KLF13: variants seen among roughly 807,000 people sequenced by gnomAD.
KLF13 encodes Krueppel-like factor 13.
KLF13 carries 8 observed loss-of-function variants against 16.7 expected under a neutral mutation model. That is an observed-to-expected ratio of 0.48 (90% confidence interval 0.28 to 0.87). The LOEUF is 0.87. KLF13 is among the 40% of genes least tolerant of loss of function. KLF13 has a pLI of 0.10. For missense variants in KLF13, 447 were observed against 452.2 expected (o/e 0.99, Z 0.10); for synonymous variants, 245 against 208.4 (o/e 1.18, Z -1.51).
At chr15:31,337,570 A>G (rs1040146522) in intron 1 of KLF13, among the ~76,000 whole-genome samples, 9 of 152,184 alleles carry the variant, frequency 5.9e-5, no homozygotes, top group Non-Finnish European at 1.3e-4. Context: ...TGCACTTACT[A>G]TGCACACCTA....
At position 31,400,026 on chromosome 15, in the gene KLF13, G is replaced by A. The variant is rs899251486; in HGVS notation, n.530-3402G>A. The stretch of plus-strand genomic sequence containing the variant: ...GGGTGACTCAAACCCTCAGGCTGCC[G>A]TCAGCACTGCTTGGACCCACAGAGG... On this transcript the variant is annotated intron_variant and non_coding_transcript_variant, in intron 2 of 2. Transcript: ENST00000500533. 1.8e-4 allele frequency among the ~76,000 whole-genome samples: 28 copies of A among 152,260 alleles called. No individual in the cohort carries two copies. The Middle Eastern group carries it at 0.017, about 92-fold the overall frequency.
rs750783115 is a variant in KLF13 at position 31,335,459 on chromosome 15, GTGTGTGTGTGTGTGTGTA to G, written c.577+7673_577+7690del. On this transcript the variant is annotated intron_variant, in intron 1 of 1. Transcript: ENST00000307145. ...TATGTGTGTGTGTGTGTGTGTGTGT[GTGTGTGTGTGTGTGTGTA>G]TGGTGGCGGGGCAGGGGGCGGGGGG... Among the ~76,000 whole-genome samples the G allele has an allele frequency of 4.3e-3, 416 of 96,200 alleles. 8 individuals are homozygous for G. Among genetic ancestry groups the G allele is most frequent in the South Asian group, 0.014 (36 of 2,490 alleles). 63.1% of individuals were successfully genotyped at this position (96,200 alleles called of 152,430 possible).
In KLF13 at chr15:31,375,686, T is replaced by G. The variant is rs1217444196; in HGVS notation, c.*3387T>G. 6.6e-6 allele frequency: 1 copy of G among 151,990 alleles called. No homozygotes were observed. The highest frequency in any genetic ancestry group is 2.4e-5 in the African/African-American group (1 of 41,354). 9.4% of individuals were successfully genotyped at this position (151,990 alleles called of 1,614,324 possible). A position where few individuals can be genotyped will look rare whatever the true frequency, so the allele number is the denominator to read the frequency against. On this transcript the variant is annotated 3_prime_UTR_variant, in exon 2 of 2. Coordinates refer to ENST00000307145, the MANE Select transcript of KLF13 (RefSeq NM_015995.4). ...CCATATTAGGGGAACGGTTGTCAGC[T>G]CCCCAAATGCCTACTGGATCCTACA... is the stretch of plus-strand genomic sequence containing the variant.
Position 31,372,378 on chromosome 15 carries a change from G to A in KLF13, c.*79G>A, listed in dbSNP as rs563361099. 4.5e-6 allele frequency: 6 copies of A among 1,347,014 alleles called. No homozygotes were observed. Among genetic ancestry groups the A allele is most frequent in the Non-Finnish European group, 5.8e-6 (6 of 1,041,668 alleles). 83.4% of individuals were successfully genotyped at this position (1,347,014 alleles called of 1,614,324 possible). On this transcript the variant is annotated 3_prime_UTR_variant, in exon 2 of 2. Transcript: ENST00000307145. ...TCCTTTTGTAATAAGAAAGAAGAGA[G>A]AGAACTTGATGCAAAGTCCACGAAA...
intron 1 of KLF13, among the ~76,000 whole-genome samples, chr15:31,383,915 A>G (rs1395755009): frequency 7.4e-6 from 1 of 134,464 alleles, no homozygotes; most frequent in Non-Finnish European, 1.5e-5. Flanking sequence ...AAATAAATAA[A>G]TAAATAAATA....
intron 1 of KLF13, among the ~76,000 whole-genome samples, chr15:31,360,436 C>T (rs1482343562): frequency 6.6e-6 from 1 of 152,204 alleles, no homozygotes; most frequent in Non-Finnish European, 1.5e-5. Context: ...GGCTACTAGA[C>T]CTGCGGGCAG....
intron 1 of KLF13, chr15:31,339,848 A>T: frequency 3.0e-6 from 2 of 671,660 alleles, no homozygotes; most frequent in East Asian, 5.5e-5. Context: ...GGAGTGCCCC[A>T]GGTGGCACTT....
At chr15:31,399,095 T>C (rs2039997607) in intron 2 of KLF13, among the ~76,000 whole-genome samples, 1 of 152,148 alleles carries the variant, frequency 6.6e-6, no homozygotes, top group Non-Finnish European at 1.5e-5. Flanking sequence ...CAGAGCAGAC[T>C]CCACTGGGCA....
chr15:31,404,064 C>T (rs1024740204), exon 3 of KLF13: 1 of 152,200 alleles, frequency 6.6e-6, no homozygotes, highest in East Asian at 1.9e-4. Context: ...CTTCCCTCTC[C>T]TCTCCGAACT....
chr15:31,424,140 G>A (rs548967280), intron 1 of KLF13, among the ~76,000 whole-genome samples: 1 of 151,812 alleles, frequency 6.6e-6, no homozygotes, highest in Admixed American at 6.6e-5. Context: ...TGGCTTCACT[G>A]GAGAATTCTA....
chr15:31,407,384 G>A (rs529995009), downstream of KLF13, among the ~76,000 whole-genome samples: 7 of 152,314 alleles, frequency 4.6e-5, no homozygotes, highest in South Asian at 1.2e-3. Context: ...AGAAAGATAA[G>A]GGGAGGGGGT....
chr15:31,356,105 T>C (rs2039296948), intron 1 of KLF13, among the ~76,000 whole-genome samples: 1 of 151,924 alleles, frequency 6.6e-6, no homozygotes, highest in Non-Finnish European at 1.5e-5. Context: ...TGTCACGGGG[T>C]TTGATGTTCT....
At chr15:31,420,565 C>T in intron 1 of KLF13, 1 of 490,826 alleles carries the variant, frequency 2.0e-6, no homozygotes, top group Admixed American at 2.8e-5. Flanking sequence ...ACATTGATAG[C>T]CCTTTGAACA....
chr15:31,333,170 C>G (rs1281046970), intron 1 of KLF13, among the ~76,000 whole-genome samples: 1 of 152,244 alleles, frequency 6.6e-6, no homozygotes, highest in Non-Finnish European at 1.5e-5. Context: ...CTAATCTTCA[C>G]AAGGACCCTA....
chr15:31,404,859 G>T (rs970857753), downstream of KLF13: 3 of 152,448 alleles, frequency 2.0e-5, no homozygotes, highest in Non-Finnish European at 4.4e-5. Flanking sequence ...AGGCTGCAAG[G>T]TTAGGGTCCA....
intron 1 of KLF13, among the ~76,000 whole-genome samples, chr15:31,361,261 GT>G (rs2039379825): frequency 6.6e-6 from 1 of 152,186 alleles, no homozygotes; most frequent in South Asian, 2.1e-4. Flanking sequence ...CAGTGTTCCT[GT>G]TCCATGCTGG....
intron 1 of KLF13, among the ~76,000 whole-genome samples, chr15:31,350,288 C>T (rs530527247): frequency 2.0e-5 from 3 of 152,204 alleles, no homozygotes; most frequent in Admixed American, 6.5e-5. Context: ...GCCGAGCAGG[C>T]CCCCCAGCGT....
intron 1 of KLF13, among the ~76,000 whole-genome samples, chr15:31,360,884 G>A (rs747276726): frequency 8.5e-5 from 13 of 152,192 alleles, no homozygotes; most frequent in African/African-American, 1.2e-4. Flanking sequence ...AGAAAACTGA[G>A]CCTGCTGTGC....
At chr15:31,394,716 A>G (rs190415220) in intron 2 of KLF13, among the ~76,000 whole-genome samples, 1 of 152,288 alleles carries the variant, frequency 6.6e-6, no homozygotes, top group East Asian at 1.9e-4. Flanking sequence ...ATTGGCCTTT[A>G]GTATATTCAC....
Sources: allele counts gnomAD v4.1 joint callset (sites outside exome capture counted in the v4.1 genomes callset), GRCh38; gene constraint gnomAD v4.1.1; transcripts MANE v1.5; gene names NCBI Gene and HGNC (gene_info 2026-07-23, HGNC 2026-07-21).